Variants in C22orf15 observed in about 807,000 individuals in gnomAD.
The protein encoded by C22orf15 is chromosome 22 open reading frame 15.
A neutral mutation model predicts 20.3 loss-of-function variants in C22orf15; 21 were observed. That is an observed-to-expected ratio of 1.04 (90% CI 0.74 to 1.49). The LOEUF is 1.49. Among genes scored for constraint, C22orf15 ranks in the 40% most tolerant of loss-of-function variants. The probability of loss-of-function intolerance (pLI) is 0.00; values close to 1 mark genes in which losing one functional copy is unlikely to be tolerated. For missense variants in C22orf15, 170 were observed against 191.1 expected, an observed-to-expected ratio of 0.89 and a Z score of 0.65; for synonymous variants, 78 against 75.4, an observed-to-expected ratio of 1.03 and a Z score of -0.18.
intron 5 of C22orf15, chr22:23,765,495 T>A: frequency 1.9e-6 from 3 of 1,550,686 alleles, no homozygotes; most frequent in Non-Finnish European, 2.6e-6. Flanking sequence ...GCACCTAAGC[T>A]GTGGGTGCAG....
intron 3 of C22orf15, 66 bp downstream of exon 3, chr22:23,764,463 C>G (rs763269485): frequency 1.4e-4 from 222 of 1,605,460 alleles, no homozygotes; most frequent in Non-Finnish European, 1.8e-4. Context: ...CATAGCAGAC[C>G]ATAGACCACC....
Position 23,764,819 on chromosome 22 carries a change from T to C in C22orf15, c.352T>C (p.Ser118Pro). 6.2e-7 allele frequency: 1 copy of C among 1,613,978 alleles called. No individual in the cohort carries two copies. Among genetic ancestry groups the C allele is most frequent in the Non-Finnish European group, 8.5e-7 (1 of 1,179,980 alleles). Reference sequence around the variant, plus strand: ...GGAACTGCGCAGGCTGTCAGGCCTCTCCTCTGTGGGCCACAACTGGAGGAA... The same window carrying C: ...GGAACTGCGCAGGCTGTCAGGCCTCCCCTCTGTGGGCCACAACTGGAGGAA... ...AEELRRLSGL[S>P]SVGHNWRKRM... Residue 118 changes from serine (S) to proline (P), a missense_variant, in exon 5 of 6, where the codon TCC becomes CCC. Physicochemically the swap from Ser to Pro is moderately conservative, Grantham distance 74 (BLOSUM62 -1). Coordinates refer to ENST00000402217, the MANE Select transcript of C22orf15 (RefSeq NM_182520.3).
intron 5 of C22orf15, 92 bp from the exon 6 acceptor site, chr22:23,765,629 A>G (rs1243990500): frequency 4.6e-6 from 7 of 1,512,268 alleles, no homozygotes; most frequent in South Asian, 2.6e-5. Flanking sequence ...ATCACCGACT[A>G]ATGCCTCTCC....
chr22:23,763,082 G>A lies in C22orf15; in HGVS notation c.-225G>A, dbSNP rs141421118. The A allele has an allele frequency of 5.1e-3, 2,901 of 571,006 alleles. 55 individuals carry two copies. Among genetic ancestry groups the A allele is most frequent in the Admixed American group, 0.039 (1,079 of 27,722 alleles). The allele number at this position is 571,006 out of a possible 1,614,324, so 35.4% of individuals were successfully genotyped here. On this transcript the variant is annotated 5_prime_UTR_variant, in exon 1 of 6. Transcript: ENST00000402217. ...CTCAGTGGGGAGGAAGAGGAGGCCA[G>A]GAGTCTTGGACTAGCTGCAGGGTTT...
At chr22:23,764,534 A>G (rs1207311330) in intron 3 of C22orf15, 105 bp from the exon 4 acceptor site, 11 of 1,558,294 alleles carry the variant, frequency 7.1e-6, no homozygotes, top group African/African-American at 6.8e-5. Flanking sequence ...TCCCTACCCA[A>G]TGCTCTGCTC....
chr22:23,764,016 G>A (rs1926181395), intron 1 of C22orf15, 71 bp from the exon 2 acceptor site: 3 of 1,425,988 alleles, frequency 2.1e-6, no homozygotes, highest in East Asian at 5.0e-5. Flanking sequence ...GAGATGGGAG[G>A]GAGAGACAGA....
chr22:23,763,953 T>A, intron 1 of C22orf15, 134 bp from the exon 2 acceptor site: 1 of 787,458 alleles, frequency 1.3e-6, no homozygotes, highest in Non-Finnish European at 2.1e-6. Context: ...GGAGCTGTTA[T>A]GCCCGGGGCA....
At position 23,763,184 on chromosome 22, in the gene C22orf15, C is replaced by A; in HGVS notation, c.-123C>A. The A allele has an allele frequency of 7.4e-7, 1 of 1,348,722 alleles. No individual in the cohort carries two copies. The highest frequency in any genetic ancestry group is 1.0e-6 in the Non-Finnish European group (1 of 973,868). 83.5% of individuals were successfully genotyped at this position (1,348,722 alleles called of 1,614,324 possible). On this transcript the variant is annotated 5_prime_UTR_variant, in exon 1 of 6. Transcript: ENST00000402217. ...CCTGGGACCCAGCCATCCACACTCA[C>A]ACATCCACTTCTCCCTCCAGAGCCC...
intron 1 of C22orf15, 71 bp from the exon 2 acceptor site, chr22:23,764,016 G>C: frequency 7.0e-7 from 1 of 1,425,990 alleles, no homozygotes; most frequent in Admixed American, 2.0e-5. Flanking sequence ...GAGATGGGAG[G>C]GAGAGACAGA....
chr22:23,763,960 G>C (rs1926166888), intron 1 of C22orf15, 127 bp from the exon 2 acceptor site: 17 of 844,500 alleles, frequency 2.0e-5, no homozygotes, highest in Non-Finnish European at 3.2e-5. Flanking sequence ...TTATGCCCGG[G>C]GCACAGTCTT....
chr22:23,763,998 GA>G, intron 1 of C22orf15, 88 bp from the exon 2 acceptor site: 1 of 1,311,798 alleles, frequency 7.6e-7, no homozygotes, highest in Non-Finnish European at 1.1e-6. Context: ...GCAGCTCTGG[GA>G]AAGGGAGAGA....
In C22orf15 at chr22:23,764,715, TGAGTGTCAGGGTAC is replaced by T; in HGVS notation, c.325+3_325+16del. 6.2e-7 allele frequency: 1 copy of T among 1,614,038 alleles called. No individual in the cohort carries two copies. The highest frequency in any genetic ancestry group is 8.5e-7 in the Non-Finnish European group (1 of 1,179,984). ...ATGACCATTACCCAGAGCTGGCAGGTGAGTGTCAGGGTACAGCCCAGGGGGAGGGCACACCTTCT... is the reference window on the plus strand; with the variant it reads ...ATGACCATTACCCAGAGCTGGCAGGTAGCCCAGGGGGAGGGCACACCTTCT... On this transcript the variant is annotated splice_donor_5th_base_variant and intron_variant, in intron 4 of 5. Transcript: ENST00000402217.
Position 23,764,697 on chromosome 22 carries a change from T to A in C22orf15, c.309T>A (p.His103Gln). 1 of 1,614,144 alleles carries A rather than the reference T, an allele frequency of 6.2e-7. No homozygotes were observed. ...CCCTATTGGAGAACCTGGATGACCA[T>A]TACCCAGAGCTGGCAGGTGAGTGTC... is the stretch of plus-strand genomic sequence containing the variant. ...YESLLENLDD[H>Q]YPELAEELRR... Residue 103 changes from histidine to glutamine, a missense_variant, in exon 4 of 6, where the codon CAT (histidine) becomes CAA (glutamine). His to Gln is a conservative substitution (Grantham distance 24). Coordinates refer to ENST00000402217, the MANE Select transcript of C22orf15 (RefSeq NM_182520.3).
At position 23,763,005 on chromosome 22, in the gene C22orf15, C is replaced by A; in HGVS notation, c.-302C>A. On this transcript the variant is annotated 5_prime_UTR_variant, in exon 1 of 6. Transcript: ENST00000402217. ...TTTCCTGCCTAGATGTCTCCGCCCC[C>A]ACTGCCATGGAGACCAGCTTGGAAG... 1 of 442,736 alleles carries A rather than the reference C, an allele frequency of 2.3e-6. No homozygotes were observed. Among genetic ancestry groups the A allele is most frequent in the Non-Finnish European group, 4.0e-6 (1 of 251,484 alleles). The allele number at this position is 442,736 out of a possible 1,614,324, so 27.4% of individuals were successfully genotyped here. A position where few individuals can be genotyped will look rare whatever the true frequency, so the allele number is the denominator to read the frequency against.
At position 23,764,115 on chromosome 22, in the gene C22orf15, T is replaced by C. The variant is rs1336523433; in HGVS notation, c.54T>C (p.Ser18=). ...GAGCSVLVNT[S]CRLVNLTAHL... ...GCTGCTCGGTGCTGGTGAACACCTC[T>C]TGCAGGCTGGTGAACCTCACCGCCC... The change falls in exon 2 of 6, where the codon TCT becomes TCC. Residue 18 remains serine (S), a synonymous_variant. Coordinates refer to ENST00000402217, the MANE Select transcript of C22orf15 (RefSeq NM_182520.3). 3.2e-6 allele frequency: 5 copies of C among 1,551,058 alleles called. No homozygotes were observed. The African/African-American group carries it at 4.1e-5, about 13-fold the overall frequency.
At chr22:23,765,593 C>T (rs776123117) in intron 5 of C22orf15, 128 bp from the exon 6 acceptor site, 6 of 1,516,532 alleles carry the variant, frequency 4.0e-6, no homozygotes, top group Non-Finnish European at 4.4e-6. Context: ...CCTGGGATTC[C>T]ACCCTCAGAG....
intron 5 of C22orf15, chr22:23,765,500 G>A: frequency 6.4e-7 from 1 of 1,550,598 alleles, no homozygotes; most frequent in East Asian, 2.4e-5. Flanking sequence ...TAAGCTGTGG[G>A]TGCAGAGAAT....
In C22orf15 at chr22:23,764,713, G is replaced by A. The variant is rs758186435; in HGVS notation, c.325G>A (p.Glu109Lys). The A allele has an allele frequency of 2.8e-5, 46 of 1,614,082 alleles. No homozygotes were observed. The Middle Eastern group carries it at 4.9e-4, about 17-fold the overall frequency. The change falls in exon 4 of 6, where the codon GAG becomes AAG. Residue 109 changes from glutamate to lysine, a missense_variant and splice_region_variant. Coordinates refer to ENST00000402217, the MANE Select transcript of C22orf15 (RefSeq NM_182520.3). ...NLDDHYPELA[E>K]ELRRLSGLSS... is the part of the protein sequence containing the mutation. The stretch of plus-strand genomic sequence containing the variant: ...GGATGACCATTACCCAGAGCTGGCA[G>A]GTGAGTGTCAGGGTACAGCCCAGGG...
chr22:23,763,429 G>C, intron 1 of C22orf15, 98 bp downstream of exon 1: 2 of 1,348,142 alleles, frequency 1.5e-6, no homozygotes, highest in South Asian at 1.4e-5. Flanking sequence ...AGGCAATGGC[G>C]GGAAAGGGGG....
Sources: allele counts gnomAD v4.1 joint callset, GRCh38; gene constraint gnomAD v4.1.1; transcripts MANE v1.5; gene names NCBI Gene and HGNC (gene_info 2026-07-23, HGNC 2026-07-21).